The following TCP11L2 variants were observed in gnomAD, a reference collection of about 807,000 sequenced individuals.
TCP11L2 encodes the protein T-complex protein 11-like protein 2.
A neutral mutation model predicts 50.7 loss-of-function variants in TCP11L2; 39 were observed. That is an observed-to-expected ratio of 0.77 (90% CI 0.60 to 1.01). The LOEUF is 1.01. TCP11L2 is among the 50% of genes least tolerant of loss of function. The probability of loss-of-function intolerance (pLI) is 0.00; values close to 1 mark genes in which losing one functional copy is unlikely to be tolerated. For synonymous variants in TCP11L2, 192 were observed against 219.3 expected, an observed-to-expected ratio of 0.88 and a Z score of 1.10; for missense variants, 612 against 614.7, an observed-to-expected ratio of 1.00 and a Z score of 0.05.
chr12:106,329,597 C>T (rs2035676161), intron 6 of TCP11L2: 1 of 1,365,174 alleles, frequency 7.3e-7, no homozygotes, highest in Non-Finnish European at 9.4e-7. Context: ...TGCCCATGAA[C>T]TCTTTTTTTC....
rs2034837062 is a variant in TCP11L2, at chr12:106,311,125, A to T, written c.50A>T (p.Asp17Val). 1.2e-6 allele frequency: 2 copies of T among 1,614,172 alleles called. No individual in the cohort carries two copies. The highest frequency in any genetic ancestry group is 1.7e-6 in the Non-Finnish European group (2 of 1,180,036). ...KQCVGEDQPS[D>V]SDSSRFSESM... ...TGTGTGGGAGAGGACCAGCCAAGCG[A>T]TTCTGATTCTTCCCGGTTTTCCGAA... Residue 17 changes from aspartate (D) to valine (V), a missense_variant, in exon 2 of 10, where the codon GAT (aspartate) becomes GTT (valine). Asp to Val is a radical substitution (Grantham distance 152). Coordinates refer to ENST00000299045, the MANE Select transcript of TCP11L2 (RefSeq NM_152772.3).
At position 106,340,842 on chromosome 12, in the gene TCP11L2, G is replaced by A. The variant is rs1445369230; in HGVS notation, c.1159G>A (p.Glu387Lys). 5 of 1,596,574 alleles carry A rather than the reference G, an allele frequency of 3.1e-6. No individual in the cohort carries two copies. Among genetic ancestry groups the A allele is most frequent in the Non-Finnish European group, 4.3e-6 (5 of 1,175,230 alleles). ...GMNKETFNLK[E>K]VLNSIGIQTC... ...GTTTCATAGGACCTTTAACTTGAAG[G>A]AAGTCCTGAATTCTATTGGTATTCA... The change falls in exon 9 of 10, where the codon GAA becomes AAA. Residue 387 changes from glutamate (E) to lysine (K), a missense_variant. Physicochemically the swap from Glu to Lys is moderately conservative, Grantham distance 56. Transcript: ENST00000299045.
chr12:106,303,486 A>G (rs1349756488), intron 1 of TCP11L2: 2 of 152,386 alleles, frequency 1.3e-5, no homozygotes, highest in African/African-American at 4.8e-5. Context: ...GGGCGGCCAG[A>G]GGACGTGGGT....
intron 5 of TCP11L2, among the ~76,000 whole-genome samples, chr12:106,323,243 G>A (rs2035405832): frequency 6.6e-6 from 1 of 151,982 alleles, no homozygotes; most frequent in South Asian, 2.1e-4. Context: ...AATTTCAGGG[G>A]TTTTCAAATG....
rs375993205 is a variant in TCP11L2 at position 106,311,091 on chromosome 12, G to A, written c.16G>A (p.Glu6Lys). 1.2e-5 allele frequency: 19 copies of A among 1,614,028 alleles called. No homozygotes were observed. Among genetic ancestry groups the A allele is most frequent in the African/African-American group, 5.3e-5 (4 of 74,934 alleles). The change falls in exon 2 of 10, where the codon GAG becomes AAG. Residue 6 changes from glutamate to lysine, a missense_variant. Glu to Lys is a moderately conservative substitution (Grantham distance 56, BLOSUM62 1). Transcript: ENST00000299045. MPFNGEKQCVGEDQPS... is the reference protein window; with the variant it reads MPFNGKKQCVGEDQPS... ...GTGACGCAAAATGCCCTTCAATGGC[G>A]AGAAGCAGTGTGTGGGAGAGGACCA...
At chr12:106,309,353 G>A (rs944627944) in intron 1 of TCP11L2, among the ~76,000 whole-genome samples, 2 of 152,038 alleles carry the variant, frequency 1.3e-5, no homozygotes, top group African/African-American at 4.8e-5. Flanking sequence ...CATGGCTTTG[G>A]GATTCTGGGA....
Position 106,314,500 on chromosome 12 carries a change from T to G in TCP11L2, c.293+7T>G, listed in dbSNP as rs2253838. On this transcript the variant is annotated splice_region_variant and intron_variant, in intron 3 of 9. Transcript: ENST00000299045. ...AGGCTCTCCCAGAAAAGAGGTAACCTGGGGGCATTTGTTGTATATAAACTG... is the reference window on the plus strand; with the variant it reads ...AGGCTCTCCCAGAAAAGAGGTAACCGGGGGGCATTTGTTGTATATAAACTG... 1,181,171 of 1,604,594 alleles carry G rather than the reference T, an allele frequency of 0.74. 440,497 individuals are homozygous for G. The highest frequency in any genetic ancestry group is 0.84 in the African/African-American group (62,804 of 74,460).
chr12:106,318,410 T>C lies in TCP11L2; in HGVS notation c.360T>C (p.Asn120=). 1 of 1,614,108 alleles carries C rather than the reference T, an allele frequency of 6.2e-7. No homozygotes were observed. The part of the protein sequence containing the change: ...AFWDVLDSEL[N]ADPPEFEHAI... ...GGGACGTCTTGGATTCAGAACTAAA[T>C]GCTGACCCTCCTGAGTTTGAACATG... The change falls in exon 4 of 10, where the codon AAT becomes AAC. Residue 120 remains asparagine, a synonymous_variant. Transcript: ENST00000299045.
At chr12:106,309,413 G>T (rs1031191967) in intron 1 of TCP11L2, among the ~76,000 whole-genome samples, 1 of 151,954 alleles carries the variant, frequency 6.6e-6, no homozygotes, top group African/African-American at 2.4e-5. Context: ...TGCACAAGTG[G>T]ACTCTAGTGG....
chr12:106,303,395 C>T (rs2034500252), intron 1 of TCP11L2: 1 of 152,398 alleles, frequency 6.6e-6, no homozygotes, highest in South Asian at 2.1e-4. Context: ...GCCGTGGTTT[C>T]CCCGGCACTC....
chr12:106,339,554 C>T (rs1264054553), intron 8 of TCP11L2, among the ~76,000 whole-genome samples: 1 of 152,178 alleles, frequency 6.6e-6, no homozygotes, highest in Non-Finnish European at 1.5e-5. Flanking sequence ...TTGCCAAGGC[C>T]TATGTCCATA....
In TCP11L2 at chr12:106,346,634, G is replaced by A; in HGVS notation, c.*104G>A. 1 of 1,419,110 alleles carries A rather than the reference G, an allele frequency of 7.0e-7. No homozygotes were observed. The highest frequency in any genetic ancestry group is 9.4e-7 in the Non-Finnish European group (1 of 1,060,062). 87.9% of individuals were successfully genotyped at this position (1,419,110 alleles called of 1,614,324 possible). On this transcript the variant is annotated 3_prime_UTR_variant, in exon 10 of 10. Coordinates refer to ENST00000299045, the MANE Select transcript of TCP11L2 (RefSeq NM_152772.3). ...TCCAGCACATTCTCAGTACTGTGGT[G>A]CAGTATTAGCCCAAATCTGTGTAAT...
chr12:106,305,321 C>A (rs528647111), intron 1 of TCP11L2, among the ~76,000 whole-genome samples: 11 of 152,126 alleles, frequency 7.2e-5, no homozygotes, highest in South Asian at 2.1e-4. Flanking sequence ...AATAAGCACT[C>A]AATTACTGTT....
chr12:106,339,400 T>G (rs2036022359), intron 8 of TCP11L2, among the ~76,000 whole-genome samples: 1 of 152,218 alleles, frequency 6.6e-6, no homozygotes, highest in African/African-American at 2.4e-5. Context: ...ATGCATAGTT[T>G]GCAAATATTT....
At chr12:106,302,380 C>T (rs1229938780), upstream of TCP11L2, among the ~76,000 whole-genome samples, 3 of 93,308 alleles carry the variant, frequency 3.2e-5, no homozygotes, top group East Asian at 8.5e-4. Context: ...GCTCAGCCCC[C>T]GCTCAGCCCC....
intron 8 of TCP11L2, among the ~76,000 whole-genome samples, chr12:106,339,661 G>A (rs1424422219): frequency 6.6e-6 from 1 of 152,130 alleles, no homozygotes; most frequent in East Asian, 1.9e-4. Context: ...TGAAAGGAAG[G>A]AGTCCAGTAT....
chr12:106,329,814 T>C, intron 6 of TCP11L2: 3 of 987,886 alleles, frequency 3.0e-6, no homozygotes, highest in Non-Finnish European at 3.6e-6. Context: ...GGATGTCTTT[T>C]AAATGAAAGA....
At position 106,312,462 on chromosome 12, in the gene TCP11L2, A is replaced by G. The variant is rs987914204; in HGVS notation, c.157+1230A>G. 6.0e-6 allele frequency: 7 copies of G among 1,157,826 alleles called. No homozygotes were observed. The East Asian group carries it at 4.6e-4, about 77-fold the overall frequency. The allele number at this position is 1,157,826 out of a possible 1,614,324, so 71.7% of individuals were successfully genotyped here. ...TTCTGTGCCTTTTCTCACTCTTTAT[A>G]CTGTATGTGGTGTTGTTGCATCTGA... On this transcript the variant is annotated intron_variant, in intron 2 of 9. Coordinates refer to ENST00000299045, the MANE Select transcript of TCP11L2 (RefSeq NM_152772.3).
intron 5 of TCP11L2, among the ~76,000 whole-genome samples, chr12:106,322,823 C>T (rs573398617): frequency 7.2e-5 from 11 of 152,322 alleles, no homozygotes; most frequent in African/African-American, 2.4e-4. Flanking sequence ...TCGTGCTCGG[C>T]TCTGGCAGAT....
Sources: gnomAD v4.1 joint callset for allele counts (sites outside exome capture counted in the v4.1 genomes callset) on GRCh38, gnomAD v4.1.1 for gene constraint, MANE v1.5 for transcripts, NCBI Gene and HGNC (gene_info 2026-07-23, HGNC 2026-07-21) for gene names.